Variants in NINL observed in about 807,000 individuals in gnomAD.
The protein encoded by NINL is ninein like.
A neutral mutation model predicts 160.3 loss-of-function variants in NINL; 153 were observed. The observed-to-expected ratio is 0.95, with a 90% confidence interval of 0.84 to 1.09. NINL has a LOEUF of 1.09. Ranked by LOEUF, NINL falls within the 50% of genes least tolerant of loss-of-function variation. The pLI is 0.00. For synonymous variants in NINL, 800 were observed against 734.8 expected (o/e 1.09, Z -1.43); for missense variants, 1,829 against 1,764.0 (o/e 1.04, Z -0.66).
intron 1 of NINL, among the ~76,000 whole-genome samples, chr20:25,537,289 C>T (rs1483830145): frequency 6.6e-6 from 1 of 152,134 alleles, no homozygotes; most frequent in Non-Finnish European, 1.5e-5. Context: ...CCCTATGTTA[C>T]CCAGGCTGGT....
At chr20:25,546,349 G>T (rs964303957) in intron 1 of NINL, among the ~76,000 whole-genome samples, 1 of 152,124 alleles carries the variant, frequency 6.6e-6, no homozygotes, top group Non-Finnish European at 1.5e-5. Flanking sequence ...CCAAGCTTTC[G>T]TGGGTAAGTG....
chr20:25,453,731 G>A (rs2090594324), intron 23 of NINL, 89 bp from the exon 24 acceptor site: 9 of 1,242,804 alleles, frequency 7.2e-6, no homozygotes, highest in South Asian at 3.1e-5. Context: ...CCAGGTTTAC[G>A]CAAACCACAG....
rs1278560128 is a variant in NINL, at chr20:25,503,972, T to C, written c.841A>G (p.Lys281Glu). 6.2e-7 allele frequency: 1 copy of C among 1,614,150 alleles called. No individual in the cohort carries two copies. Among genetic ancestry groups the C allele is most frequent in the Non-Finnish European group, 8.5e-7 (1 of 1,180,024 alleles). Residue 281 changes from lysine to glutamate, a missense_variant, in exon 7 of 24, where the codon AAG becomes GAG. By Grantham distance (56) the Lys-to-Glu change is moderately conservative (BLOSUM62 1). Transcript: ENST00000278886. ...TTTACCTGGTAATGAGACCAAGCCTTGCTCGGTTTAACCCGAGTGGAAGAC... is the reference window on the plus strand; with the variant it reads ...TTTACCTGGTAATGAGACCAAGCCTCGCTCGGTTTAACCCGAGTGGAAGAC... ...LESSTRVKPS[K>E]AWSHYQVPEE...
chr20:25,476,057 C>T lies in NINL; in HGVS notation c.3234G>A (p.Leu1078=). The change falls in exon 17 of 24, where the codon TTG becomes TTA. Residue 1078 remains leucine, a synonymous_variant. Coordinates refer to ENST00000278886, the MANE Select transcript of NINL (RefSeq NM_025176.6). ...VVRALEKHVD[L]RENDRLEFHR... ...AGAAGGCAAACCTGTCGTTCTCTCT[C>T]AAATCTACATGTTTCTCCAGAGCCC... 6.2e-7 allele frequency: 1 copy of T among 1,612,896 alleles called. No individual in the cohort carries two copies. The highest frequency in any genetic ancestry group is 8.5e-7 in the Non-Finnish European group (1 of 1,179,282).
At chr20:25,465,792 T>C (rs1209040096) in intron 19 of NINL, among the ~76,000 whole-genome samples, 1 of 152,132 alleles carries the variant, frequency 6.6e-6, no homozygotes, top group Non-Finnish European at 1.5e-5. Context: ...TTACACACAA[T>C]GTGGCACCCC....
chr20:25,568,736 G>C (rs1052731888), intron 1 of NINL, among the ~76,000 whole-genome samples: 7 of 151,752 alleles, frequency 4.6e-5, no homozygotes, highest in Non-Finnish European at 8.8e-5. Flanking sequence ...ACCACAATCA[G>C]AACTTTTCCA....
At chr20:25,454,845 T>C (rs2090627561) in intron 23 of NINL, among the ~76,000 whole-genome samples, 1 of 152,184 alleles carries the variant, frequency 6.6e-6, no homozygotes, top group Non-Finnish European at 1.5e-5. Flanking sequence ...ATTTTTGGTC[T>C]TTGCTCCTTA....
intron 1 of NINL, among the ~76,000 whole-genome samples, chr20:25,530,344 T>A (rs527775112): frequency 6.6e-6 from 1 of 152,298 alleles, no homozygotes; most frequent in East Asian, 1.9e-4. Context: ...ACTGAGAGAT[T>A]GTTCCCTGCC....
At chr20:25,497,100 C>T (rs912305680) in intron 9 of NINL, among the ~76,000 whole-genome samples, 1 of 152,240 alleles carries the variant, frequency 6.6e-6, no homozygotes, top group Admixed American at 6.5e-5. Flanking sequence ...ACTTATGCAG[C>T]CCCAGGGCAT....
chr20:25,527,668 G>A lies in NINL; in HGVS notation c.-11-1070C>T, dbSNP rs567962711. 4.6e-5 allele frequency among the ~76,000 whole-genome samples: 7 copies of A among 152,124 alleles called. No individual in the cohort carries two copies. In the South Asian group the frequency reaches 1.5e-3, roughly 32 times the overall value. ...ATATAATTAATAACCATCTAAAAAT[G>A]CTCAAATTAAAACCAAGATATGCTA... On this transcript the variant is annotated intron_variant, in intron 1 of 23. Transcript: ENST00000278886.
Position 25,476,192 on chromosome 20 carries a change from AC to A in NINL, c.3098del (p.Gly1033ValfsTer17), listed in dbSNP as rs749759818. The A allele has an allele frequency of 1.2e-6, 2 of 1,613,886 alleles. No homozygotes were observed. Among genetic ancestry groups the A allele is most frequent in the South Asian group, 2.2e-5 (2 of 91,064 alleles). On this transcript the variant is annotated frameshift_variant, in exon 17 of 24. Coordinates refer to ENST00000278886, the MANE Select transcript of NINL (RefSeq NM_025176.6). LOFTEE classifies it high-confidence loss of function. ...PSHLQLADPQ[G>X]SWQEQLAAPE... ...GGGCAGCAAGCTGCTCCTGCCAGGA[AC>A]CCTGCGGGTCTGCGAGCTGGAGGTG...
intron 16 of NINL, among the ~76,000 whole-genome samples, chr20:25,478,073 C>T (rs367699382): frequency 6.6e-6 from 1 of 151,898 alleles, no homozygotes; most frequent in African/African-American, 2.4e-5. Flanking sequence ...CTCAGCTTCC[C>T]GAGTAGCTGG....
At chr20:25,465,507 A>C (rs900678500) in intron 19 of NINL, among the ~76,000 whole-genome samples, 3 of 151,982 alleles carry the variant, frequency 2.0e-5, no homozygotes, top group African/African-American at 7.3e-5. Flanking sequence ...TAGCTCCCTG[A>C]CACCCCCCAC....
At chr20:25,513,081 C>G in intron 3 of NINL, 75 bp from the exon 4 acceptor site, 1 of 1,466,636 alleles carries the variant, frequency 6.8e-7, no homozygotes, top group Non-Finnish European at 9.2e-7. Context: ...CAGGTACCCT[C>G]TGAGAAGGTG....
chr20:25,493,423 C>T (rs921803786), intron 10 of NINL, among the ~76,000 whole-genome samples: 2 of 152,038 alleles, frequency 1.3e-5, no homozygotes, highest in Non-Finnish European at 1.5e-5. Context: ...GTGGACGAAC[C>T]GAGCTTACAA....
At chr20:25,539,885 G>C in intron 1 of NINL, 3 of 390,496 alleles carry the variant, frequency 7.7e-6, no homozygotes, top group South Asian at 6.3e-5. Context: ...AGCTTTCCCT[G>C]AACTCTCAGG....
At position 25,476,307 on chromosome 20, in the gene NINL, G is replaced by A. The variant is rs569061368; in HGVS notation, c.2984C>T (p.Ser995Leu). The change falls in exon 17 of 24, where the codon TCG (serine) becomes TTG (leucine). Residue 995 changes from serine (S) to leucine (L), a missense_variant. Physicochemically the swap from Ser to Leu is moderately radical, Grantham distance 145. Transcript: ENST00000278886. ...SWSRGTQEQA[S>L]EQQARAEGAL... Reference sequence around the variant, plus strand: ...GCCCTCGGCCCGGGCCTGCTGCTCCGAGGCCTGCTCCTGGGTGCCCCTGCT... The same window carrying A: ...GCCCTCGGCCCGGGCCTGCTGCTCCAAGGCCTGCTCCTGGGTGCCCCTGCT... 3 of 1,613,182 alleles carry A rather than the reference G, an allele frequency of 1.9e-6. No individual in the cohort carries two copies. Among genetic ancestry groups the A allele is most frequent in the East Asian group, 4.5e-5 (2 of 44,846 alleles).
At position 25,510,658 on chromosome 20, in the gene NINL, G is replaced by A. The variant is rs148563546; in HGVS notation, c.517+16C>T. On this transcript the variant is annotated intron_variant, in intron 5 of 23. Coordinates refer to ENST00000278886, the MANE Select transcript of NINL (RefSeq NM_025176.6). ...GGCAAAGGCAGAGAGCACTGAATGC[G>A]AGGCTGAGGCTTTACCTTGTGCTTC... 1.3e-5 allele frequency: 21 copies of A among 1,612,466 alleles called. No individual in the cohort carries two copies. The African/African-American group carries it at 2.1e-4, about 16-fold the overall frequency.
chr20:25,553,443 G>A (rs1261462113), intron 1 of NINL, among the ~76,000 whole-genome samples: 1 of 152,194 alleles, frequency 6.6e-6, no homozygotes, highest in Non-Finnish European at 1.5e-5. Flanking sequence ...CCAATGGCTT[G>A]TGGGCCACAT....
Sources: gnomAD v4.1 joint callset for allele counts (sites outside exome capture counted in the v4.1 genomes callset) on GRCh38, gnomAD v4.1.1 for gene constraint, MANE v1.5 for transcripts, NCBI Gene and HGNC (gene_info 2026-07-23, HGNC 2026-07-21) for gene names.